Variants in PDGFRL observed in about 807,000 individuals in gnomAD.
The protein encoded by PDGFRL is platelet-derived growth factor receptor-like protein.
In PDGFRL, 46 loss-of-function variants were observed where a neutral mutation model predicts 37.2. The observed-to-expected ratio is 1.24, with a 90% CI of 0.98 to 1.58. The LOEUF is 1.58. PDGFRL is among the 40% of genes most tolerant of loss of function. PDGFRL has a pLI of 0.00. For synonymous variants in PDGFRL, 251 were observed against 184.3 expected (o/e 1.36, Z -2.93); for missense variants, 692 against 467.6 (o/e 1.48, Z -4.43).
intron 2 of PDGFRL, among the ~76,000 whole-genome samples, chr8:17,597,410 C>G (rs1361696979): frequency 1.3e-5 from 2 of 152,190 alleles, no homozygotes; most frequent in Non-Finnish European, 2.9e-5. Context: ...TCATCTTTTC[C>G]TACTAAATTG....
intron 2 of PDGFRL, among the ~76,000 whole-genome samples, chr8:17,610,460 A>C (rs1804387385): frequency 6.6e-6 from 1 of 152,196 alleles, no homozygotes; most frequent in Non-Finnish European, 1.5e-5. Flanking sequence ...TTAACTAGTA[A>C]GTATGATGCA....
intron 3 of PDGFRL, among the ~76,000 whole-genome samples, chr8:17,624,441 AT>A (rs1340567915): frequency 6.6e-6 from 1 of 152,196 alleles, no homozygotes; most frequent in Non-Finnish European, 1.5e-5. Context: ...AGTATAACAT[AT>A]GTAAAGAAAA....
At chr8:17,614,682 G>A (rs1301711231) in intron 2 of PDGFRL, among the ~76,000 whole-genome samples, 1 of 152,186 alleles carries the variant, frequency 6.6e-6, no homozygotes, top group Non-Finnish European at 1.5e-5. Flanking sequence ...AGGCTCAAGT[G>A]ATCATCCCAC....
intron 3 of PDGFRL, among the ~76,000 whole-genome samples, chr8:17,624,680 A>T (rs1177404628): frequency 6.6e-6 from 1 of 152,202 alleles, no homozygotes; most frequent in Non-Finnish European, 1.5e-5. Context: ...AAGCCGAGGC[A>T]GGCGGATCAC....
intron 3 of PDGFRL, among the ~76,000 whole-genome samples, chr8:17,621,542 A>G (rs975939542): frequency 4.6e-5 from 7 of 152,086 alleles, no homozygotes; most frequent in African/African-American, 1.7e-4. Context: ...GCACTCCCCA[A>G]TACGGTGACC....
chr8:17,638,780 T>TATATAA (rs1805031381), intron 5 of PDGFRL, among the ~76,000 whole-genome samples: 1 of 115,020 alleles, frequency 8.7e-6, no homozygotes, highest in Non-Finnish European at 1.9e-5. Flanking sequence ...TATATATATA[T>TATATAA]ATATATAATT....
upstream of PDGFRL, chr8:17,577,181 C>G: frequency 6.4e-7 from 1 of 1,562,542 alleles, no homozygotes; most frequent in East Asian, 2.3e-5. Flanking sequence ...CGCCCCTCGC[C>G]CGCCGCCTCC....
At chr8:17,608,989 C>T (rs1484648687) in intron 2 of PDGFRL, among the ~76,000 whole-genome samples, 1 of 152,160 alleles carries the variant, frequency 6.6e-6, no homozygotes, top group East Asian at 1.9e-4. Context: ...CAGACTGAGG[C>T]AGGAGGATCA....
At chr8:17,625,950 G>A (rs1804725081) in intron 3 of PDGFRL, among the ~76,000 whole-genome samples, 1 of 151,990 alleles carries the variant, frequency 6.6e-6, no homozygotes, top group South Asian at 2.1e-4. Context: ...AGTCATGATG[G>A]TGCCACTGCA....
At chr8:17,630,629 G>GCTCCCCTCCCCTCCC (rs890729567) in intron 4 of PDGFRL, among the ~76,000 whole-genome samples, 1 of 152,040 alleles carries the variant, frequency 6.6e-6, no homozygotes, top group African/African-American at 2.4e-5. Context: ...AGTTCCCTCC[G>GCTCCCCTCCCCTCCC]CTCCCCTCCC....
At chr8:17,602,134 G>C (rs1169546923) in intron 2 of PDGFRL, among the ~76,000 whole-genome samples, 1 of 152,154 alleles carries the variant, frequency 6.6e-6, no homozygotes, top group Non-Finnish European at 1.5e-5. Context: ...TGTTATTTTT[G>C]GCTTTGGTTA....
intron 2 of PDGFRL, among the ~76,000 whole-genome samples, chr8:17,602,775 G>T (rs1804193637): frequency 6.6e-6 from 1 of 152,048 alleles, no homozygotes; most frequent in Admixed American, 6.6e-5. Context: ...TCATGAGAAG[G>T]TCCACTAGAT....
intron 2 of PDGFRL, among the ~76,000 whole-genome samples, chr8:17,593,596 CAAAAA>C (rs533160744): frequency 1.6e-5 from 2 of 125,012 alleles, no homozygotes; most frequent in Non-Finnish European, 3.4e-5. Flanking sequence ...GAGACTGTTT[CAAAAA>C]AAAAAAAAAA....
intron 5 of PDGFRL, among the ~76,000 whole-genome samples, chr8:17,638,679 C>G (rs1242746168): frequency 6.9e-6 from 1 of 144,346 alleles, no homozygotes; most frequent in Non-Finnish European, 1.5e-5. Context: ...TGCAGTCTAT[C>G]TCATTTCTTA....
At chr8:17,581,237 A>C (rs868387025) in intron 1 of PDGFRL, among the ~76,000 whole-genome samples, 2 of 152,108 alleles carry the variant, frequency 1.3e-5, no homozygotes, top group Non-Finnish European at 2.9e-5. Flanking sequence ...CAAACCCCGG[A>C]GGTAGCTGAC....
At chr8:17,639,052 C>A (rs4921790) in intron 5 of PDGFRL, among the ~76,000 whole-genome samples, 121,614 of 151,110 alleles carry the variant, frequency 0.8, 50,242 homozygotes, top group Non-Finnish European at 0.91. Context: ...CTGTCTCAAA[C>A]AAAACAAAAC....
chr8:17,594,139 A>T (rs1804001865), intron 2 of PDGFRL, among the ~76,000 whole-genome samples: 1 of 151,262 alleles, frequency 6.6e-6, no homozygotes, highest in Admixed American at 6.6e-5. Flanking sequence ...TTTGTTACTG[A>T]CGTATTTCCC....
At chr8:17,627,401 CAT>C in intron 3 of PDGFRL, among the ~76,000 whole-genome samples, 1 of 151,848 alleles carries the variant, frequency 6.6e-6, no homozygotes, top group East Asian at 1.9e-4. Flanking sequence ...TTTCAGGGGA[CAT>C]ATGTAATCTA....
intron 4 of PDGFRL, among the ~76,000 whole-genome samples, chr8:17,632,035 G>A (rs918024633): frequency 2.6e-5 from 4 of 152,226 alleles, no homozygotes; most frequent in African/African-American, 7.2e-5. Context: ...TCCATCCTCC[G>A]CGTGCCATCC....
Sources: gnomAD v4.1 joint callset for allele counts (sites outside exome capture counted in the v4.1 genomes callset) on GRCh38, gnomAD v4.1.1 for gene constraint, MANE v1.5 for transcripts, NCBI Gene and HGNC (gene_info 2026-07-23, HGNC 2026-07-21) for gene names.